CNTNAP2: variants seen among roughly 807,000 people sequenced by gnomAD.
The protein encoded by CNTNAP2 is contactin associated protein 2, also known as contactin-associated protein-like 2.
Under a neutral mutation model 155.2 loss-of-function variants are expected in CNTNAP2, and 98 were observed. The ratio of observed to expected loss-of-function variants is 0.63; its 90% CI spans 0.54 to 0.75. CNTNAP2 has a LOEUF of 0.75. Among genes scored for constraint, CNTNAP2 ranks in the 30% least tolerant of loss-of-function variants. CNTNAP2 has a pLI of 0.00. For missense variants in CNTNAP2, 1,727 were observed against 1,688.1 expected, an observed-to-expected ratio of 1.02 and a Z score of -0.40; for synonymous variants, 651 against 631.2, an observed-to-expected ratio of 1.03 and a Z score of -0.47.
intron 21 of CNTNAP2, among the ~76,000 whole-genome samples, chr7:148,272,216 A>C (rs1796793493): frequency 6.6e-6 from 1 of 152,212 alleles, no homozygotes; most frequent in Non-Finnish European, 1.5e-5. Context: ...ATGCTTCTAG[A>C]AGGAATTCAG....
chr7:148,332,403 A>C (rs1479718518), intron 21 of CNTNAP2, among the ~76,000 whole-genome samples: 1 of 152,172 alleles, frequency 6.6e-6, no homozygotes, highest in African/African-American at 2.4e-5. Flanking sequence ...GGGAGAATTG[A>C]CTGTGAATGA....
At chr7:148,004,982 A>G (rs1022941010) in intron 15 of CNTNAP2, among the ~76,000 whole-genome samples, 6 of 152,174 alleles carry the variant, frequency 3.9e-5, no homozygotes, top group African/African-American at 1.4e-4. Context: ...CTGATCCTAA[A>G]TGGATTGAGT....
chr7:146,435,619 T>A (rs1486770687), intron 1 of CNTNAP2, among the ~76,000 whole-genome samples: 3 of 152,190 alleles, frequency 2.0e-5, no homozygotes, highest in Non-Finnish European at 4.4e-5. Context: ...TCGGAGATGT[T>A]TGGGAGTATA....
At chr7:146,159,639 A>G (rs1798184938) in intron 1 of CNTNAP2, among the ~76,000 whole-genome samples, 1 of 152,216 alleles carries the variant, frequency 6.6e-6, no homozygotes, top group Admixed American at 6.5e-5. Context: ...TGAAAGAGAC[A>G]AAGAAGGCCA....
intron 3 of CNTNAP2, among the ~76,000 whole-genome samples, chr7:146,966,838 C>T (rs908985146): frequency 1.1e-4 from 17 of 152,134 alleles, no homozygotes; most frequent in Admixed American, 2.6e-4. Context: ...CTAGTTCAGC[C>T]TAAATCTATT....
intron 1 of CNTNAP2, among the ~76,000 whole-genome samples, chr7:146,616,765 A>G (rs1799231503): frequency 6.6e-6 from 1 of 152,166 alleles, no homozygotes; most frequent in Non-Finnish European, 1.5e-5. Context: ...ATTCATTCAA[A>G]ATTTAAGAGA....
chr7:147,591,866 C>A (rs996193492), intron 12 of CNTNAP2, among the ~76,000 whole-genome samples: 8 of 152,152 alleles, frequency 5.3e-5, no homozygotes, highest in African/African-American at 1.7e-4. Context: ...AAACTATTTG[C>A]AGTTCAGGGC....
intron 10 of CNTNAP2, among the ~76,000 whole-genome samples, chr7:147,449,799 A>C (rs1797800323): frequency 6.6e-6 from 1 of 152,172 alleles, no homozygotes; most frequent in Admixed American, 6.5e-5. Context: ...TTGATTCTAA[A>C]GTTGTTTTAG....
intron 1 of CNTNAP2, among the ~76,000 whole-genome samples, chr7:146,659,348 G>A (rs1358670376): frequency 6.6e-6 from 1 of 152,166 alleles, no homozygotes; most frequent in African/African-American, 2.4e-5. Context: ...GAAAGGCAGA[G>A]TGGAGTTCTG....
intron 3 of CNTNAP2, among the ~76,000 whole-genome samples, chr7:146,994,284 G>A (rs1385369005): frequency 6.6e-6 from 1 of 151,960 alleles, no homozygotes; most frequent in Admixed American, 6.6e-5. Context: ...TTTTTGTACT[G>A]CACTCTATTT....
At chr7:147,196,737 A>T (rs1802808022) in intron 8 of CNTNAP2, among the ~76,000 whole-genome samples, 1 of 152,188 alleles carries the variant, frequency 6.6e-6, no homozygotes, top group Non-Finnish European at 1.5e-5. Flanking sequence ...ACTTTCCTGC[A>T]GTATCACAAA....
chr7:146,502,307 A>C (rs1011502483), intron 1 of CNTNAP2, among the ~76,000 whole-genome samples: 1 of 136,320 alleles, frequency 7.3e-6, no homozygotes, highest in African/African-American at 2.8e-5. Flanking sequence ...ATTTAGGTTG[A>C]TTCTATATTT....
At chr7:147,064,839 G>T (rs993909136) in intron 4 of CNTNAP2, among the ~76,000 whole-genome samples, 4 of 152,078 alleles carry the variant, frequency 2.6e-5, no homozygotes, top group African/African-American at 9.7e-5. Context: ...CCTTGTTTCA[G>T]TCCAGAAAGA....
chr7:146,315,730 A>G (rs1800895183), intron 1 of CNTNAP2, among the ~76,000 whole-genome samples: 1 of 152,154 alleles, frequency 6.6e-6, no homozygotes, highest in African/African-American at 2.4e-5. Context: ...ATTCTGCTTT[A>G]TGCTATCAAT....
chr7:146,860,858 T>C (rs1409425090), intron 3 of CNTNAP2, among the ~76,000 whole-genome samples: 1 of 152,024 alleles, frequency 6.6e-6, no homozygotes, highest in East Asian at 1.9e-4. Flanking sequence ...ATAACCTCCT[T>C]TGGATTAAGA....
intron 1 of CNTNAP2, among the ~76,000 whole-genome samples, chr7:146,204,531 T>G (rs570168151): frequency 6.6e-6 from 1 of 152,170 alleles, no homozygotes; most frequent in African/African-American, 2.4e-5. Context: ...AGTAGAAAGG[T>G]TATGAAAATT....
chr7:146,965,195 C>G (rs1204217378), intron 3 of CNTNAP2, among the ~76,000 whole-genome samples: 1 of 152,002 alleles, frequency 6.6e-6, no homozygotes, highest in African/African-American at 2.4e-5. Flanking sequence ...TGCAGGCACT[C>G]AAAGCTGTCA....
intron 1 of CNTNAP2, among the ~76,000 whole-genome samples, chr7:146,321,293 T>C (rs1800997001): frequency 6.6e-6 from 1 of 151,178 alleles, no homozygotes. Context: ...ATATAAATTA[T>C]GAAAGAATTA....
intron 8 of CNTNAP2, among the ~76,000 whole-genome samples, chr7:147,228,635 C>A (rs1020657096): frequency 6.6e-6 from 1 of 152,042 alleles, no homozygotes; most frequent in Non-Finnish European, 1.5e-5. Context: ...TGAAGAATTT[C>A]CATTAGGATA....
Sources: gnomAD v4.1 joint callset for allele counts (sites outside exome capture counted in the v4.1 genomes callset) on GRCh38, gnomAD v4.1.1 for gene constraint, MANE v1.5 for transcripts, NCBI Gene and HGNC (gene_info 2026-07-23, HGNC 2026-07-21) for gene names.